RGS6: variants seen among roughly 807,000 people sequenced by gnomAD.
RGS6 encodes regulator of G protein signaling 6.
In RGS6, 30 loss-of-function variants were observed where a neutral mutation model predicts 78.5. The observed-to-expected ratio is 0.38, with a 90% CI of 0.29 to 0.52. The LOEUF is 0.52. Ranked by LOEUF, RGS6 falls within the 20% of genes least tolerant of loss-of-function variation. The pLI, the probability that RGS6 is intolerant of heterozygous loss-of-function variation, is 0.85. For synonymous variants in RGS6, 206 were observed against 206.0 expected (o/e 1.00, Z 0.00); for missense variants, 495 against 609.7 (o/e 0.81, Z 1.98).
At chr14:72,547,435 C>T in intron 17 of RGS6, 2 of 962,704 alleles carry the variant, frequency 2.1e-6, no homozygotes, top group Non-Finnish European at 3.1e-6. Context: ...ACAGGGGATG[C>T]TTCCCCCTTT....
intron 2 of RGS6, among the ~76,000 whole-genome samples, chr14:72,229,104 AAC>A (rs1333302560): frequency 6.6e-6 from 1 of 152,236 alleles, no homozygotes; most frequent in Admixed American, 6.5e-5. Context: ...TTGGGAAAAC[AAC>A]ACAAAGAGAT....
chr14:72,088,831 G>C (rs774980981), intron 2 of RGS6, among the ~76,000 whole-genome samples: 4 of 152,042 alleles, frequency 2.6e-5, no homozygotes, highest in Non-Finnish European at 5.9e-5. Context: ...AGTCACCCTG[G>C]CCTTCTTTCT....
At chr14:72,506,207 A>G (rs540678415) in intron 13 of RGS6, among the ~76,000 whole-genome samples, 363 of 152,290 alleles carry the variant, frequency 2.4e-3, no homozygotes, top group Non-Finnish European at 4.3e-3. Flanking sequence ...CACATGAAAT[A>G]TGGTCCCTGA....
At chr14:72,311,630 G>T (rs1173049201) in intron 2 of RGS6, among the ~76,000 whole-genome samples, 1 of 152,186 alleles carries the variant, frequency 6.6e-6, no homozygotes, top group Non-Finnish European at 1.5e-5. Context: ...TATTGTTCAT[G>T]TGGTTTGTCT....
At chr14:72,392,175 C>T (rs572107044) in intron 3 of RGS6, among the ~76,000 whole-genome samples, 123 of 148,886 alleles carry the variant, frequency 8.3e-4, no homozygotes, top group Admixed American at 2.0e-3. Context: ...TATATATACA[C>T]ATACATACAC....
chr14:72,458,900 C>T (rs1244325894), intron 5 of RGS6, among the ~76,000 whole-genome samples: 2 of 152,196 alleles, frequency 1.3e-5, no homozygotes, highest in Non-Finnish European at 2.9e-5. Flanking sequence ...AGGATTTCAA[C>T]ATGTGAATTT....
chr14:72,106,054 G>T (rs912254387), intron 2 of RGS6, among the ~76,000 whole-genome samples: 9 of 152,202 alleles, frequency 5.9e-5, no homozygotes, highest in Non-Finnish European at 1.0e-4. Flanking sequence ...TCCAGAGGTC[G>T]CAGTGGGATA....
At chr14:71,990,682 T>G in intron 2 of RGS6, 1 of 456,062 alleles carries the variant, frequency 2.2e-6, no homozygotes, top group Non-Finnish European at 4.4e-6. Context: ...TGGCCCATTC[T>G]TTTCTGTATG....
chr14:72,510,373 A>C lies in RGS6; in HGVS notation c.1091+94A>C, dbSNP rs4617784. The C allele has an allele frequency of 0.14, 210,927 of 1,502,032 alleles. 15,680 individuals carry two copies. The highest frequency in any genetic ancestry group is 0.22 in the African/African-American group (15,570 of 72,112). 93.0% of individuals were successfully genotyped at this position (1,502,032 alleles called of 1,614,324 possible). On this transcript the variant is annotated intron_variant, in intron 14 of 17. Transcript: ENST00000553525. ...TCTCTCTCTCTCTCAATGAAACGTT[A>C]TCAGGGTTCAAATTCAAATGCCAGC...
chr14:72,234,848 G>A (rs576472284), intron 2 of RGS6, among the ~76,000 whole-genome samples: 15 of 152,008 alleles, frequency 9.9e-5, no homozygotes, highest in South Asian at 4.2e-4. Context: ...ACTTTATTTC[G>A]TTATTTTTGT....
intron 2 of RGS6, among the ~76,000 whole-genome samples, chr14:72,349,516 G>A (rs2190509): frequency 0.39 from 58,713 of 152,046 alleles, 13,802 homozygotes; most frequent in African/African-American, 0.67. Flanking sequence ...TACCATGGGG[G>A]AGTCAGGAAC....
chr14:72,256,461 A>G (rs2057105765), intron 2 of RGS6, among the ~76,000 whole-genome samples: 1 of 152,214 alleles, frequency 6.6e-6, no homozygotes, highest in African/African-American at 2.4e-5. Context: ...CTCTGGCTAG[A>G]TGGCTCCTGA....
chr14:71,966,867 GTTTTT>G (rs997492041), intron 2 of RGS6, among the ~76,000 whole-genome samples: 13 of 151,246 alleles, frequency 8.6e-5, no homozygotes, highest in African/African-American at 2.9e-4. Flanking sequence ...TATACAGTGA[GTTTTT>G]TTTTAAGACA....
the RGS6 span, among the ~76,000 whole-genome samples, chr14:71,922,541 C>A: frequency 5.3e-5 from 8 of 152,286 alleles, 1 homozygote; most frequent in East Asian, 1.5e-3. Context: ...TCTTACATAA[C>A]CATAGTACAT....
intron 2 of RGS6, among the ~76,000 whole-genome samples, chr14:72,328,076 C>A (rs2074201476): frequency 6.6e-6 from 1 of 152,052 alleles, no homozygotes; most frequent in South Asian, 2.1e-4. Flanking sequence ...CTCTGATGTC[C>A]CAGGGCAGGA....
chr14:72,581,076 A>T, the RGS6 span, among the ~76,000 whole-genome samples: 1 of 152,170 alleles, frequency 6.6e-6, no homozygotes, highest in African/African-American at 2.4e-5. Context: ...CAGGCTGTCC[A>T]AGGGGAATCA....
At chr14:72,145,034 T>C (rs942493343) in intron 2 of RGS6, among the ~76,000 whole-genome samples, 2 of 152,040 alleles carry the variant, frequency 1.3e-5, no homozygotes, top group Non-Finnish European at 2.9e-5. Context: ...GAGTTTTTCT[T>C]GCTGTCTATG....
intron 3 of RGS6, among the ~76,000 whole-genome samples, chr14:72,372,713 A>AGG (rs1415708723): frequency 1.3e-5 from 2 of 152,208 alleles, no homozygotes; most frequent in East Asian, 3.8e-4. Flanking sequence ...AAGCCAAATG[A>AGG]GGAGGGCTCC....
At chr14:71,880,821 G>A in the RGS6 span, among the ~76,000 whole-genome samples, 1 of 152,222 alleles carries the variant, frequency 6.6e-6, no homozygotes, top group Non-Finnish European at 1.5e-5. Context: ...CCCCACTGGG[G>A]TGTTGCCTAG....
Sources: allele counts gnomAD v4.1 joint callset (sites outside exome capture counted in the v4.1 genomes callset), GRCh38; gene constraint gnomAD v4.1.1; transcripts MANE v1.5; gene names NCBI Gene and HGNC (gene_info 2026-07-23, HGNC 2026-07-21).